SLC25A48: variants seen among roughly 807,000 people sequenced by gnomAD.
SLC25A48 encodes the protein solute carrier family 25 member 48, also known as CTC-321K16.1.
A neutral mutation model predicts 32.2 loss-of-function variants in SLC25A48; 29 were observed. The ratio of observed to expected loss-of-function variants is 0.90; its 90% CI spans 0.67 to 1.23. SLC25A48 has a LOEUF of 1.23. SLC25A48 is among the 50% of genes most tolerant of loss of function. The pLI, the probability that SLC25A48 is intolerant of heterozygous loss-of-function variation, is 0.00. For synonymous variants in SLC25A48, 164 were observed against 172.3 expected (o/e 0.95, Z 0.38); for missense variants, 399 against 422.7 (o/e 0.94, Z 0.49).
chr5:135,860,649 G>A (rs934576395), intron 4 of SLC25A48, among the ~76,000 whole-genome samples: 2 of 152,230 alleles, frequency 1.3e-5, no homozygotes, highest in East Asian at 3.8e-4. Flanking sequence ...TGTGTGAATT[G>A]CATAGAATGG....
rs770799130 is a variant in SLC25A48, at chr5:135,852,778, C to T, written c.378C>T (p.Leu126=). The change falls in exon 4 of 8, where the codon CTC becomes CTT. Residue 126 remains leucine (L), a synonymous_variant. Transcript: ENST00000681962. ...VSVGLGGPVD[L]IKIRLQMQTQ... ...TCGGGCTGGGAGGGCCCGTGGACCT[C>T]ATCAAGATCCGGTTGCAGATGCAGA... 1 of 1,613,462 alleles carries T rather than the reference C, an allele frequency of 6.2e-7. No individual in the cohort carries two copies. Among genetic ancestry groups the T allele is most frequent in the Non-Finnish European group, 8.5e-7 (1 of 1,179,460 alleles).
chr5:135,656,081 A>G (rs1238543132), intron 3 of SLC25A48, among the ~76,000 whole-genome samples: 3 of 152,172 alleles, frequency 2.0e-5, no homozygotes, highest in African/African-American at 7.2e-5. Context: ...AGGTGAAGGA[A>G]TATGTTTAGA....
chr5:135,705,194 C>T (rs1395794346), intron 3 of SLC25A48, among the ~76,000 whole-genome samples: 1 of 151,702 alleles, frequency 6.6e-6, no homozygotes, highest in African/African-American at 2.4e-5. Context: ...GAGCTCCATT[C>T]AGGCCTGCAT....
At chr5:135,776,140 A>G (rs1231096475) in intron 3 of SLC25A48, among the ~76,000 whole-genome samples, 1 of 151,774 alleles carries the variant, frequency 6.6e-6, no homozygotes, top group Non-Finnish European at 1.5e-5. Flanking sequence ...TGATACTACT[A>G]CCAATATCGT....
chr5:135,744,133 A>G (rs1755577913), intron 3 of SLC25A48, among the ~76,000 whole-genome samples: 1 of 152,158 alleles, frequency 6.6e-6, no homozygotes, highest in South Asian at 2.1e-4. Context: ...CAGGAATTTA[A>G]CTAACTGCCT....
Position 135,750,693 on chromosome 5 carries a change from G to A in SLC25A48, c.-520-61830G>A, listed in dbSNP as rs758411951. On this transcript the variant is annotated intron_variant, in intron 3 of 10. Transcript: ENST00000646290. ...AATCGGACATCAGGCCAGCAGCTGC[G>A]CCCCCAGGTGGTAGACTGGTAGCAC... Among the ~76,000 whole-genome samples, 47 of 151,996 alleles carry A rather than the reference G, an allele frequency of 3.1e-4. 1 individual carries two copies. The highest frequency in any genetic ancestry group is 5.0e-4 in the Non-Finnish European group (34 of 68,000).
chr5:135,624,941 G>A (rs934051976), intron 1 of SLC25A48, among the ~76,000 whole-genome samples: 10 of 152,224 alleles, frequency 6.6e-5, no homozygotes, highest in African/African-American at 2.4e-4. Flanking sequence ...TATGTGAACT[G>A]AGTTGTGGAA....
chr5:135,771,087 C>T lies in SLC25A48; in HGVS notation c.-520-41436C>T, dbSNP rs534551672. Among the ~76,000 whole-genome samples the T allele has an allele frequency of 8.6e-4, 120 of 139,486 alleles. 1 individual carries two copies. The highest frequency in any genetic ancestry group is 3.1e-3 in the African/African-American group (117 of 37,364). 91.5% of individuals were successfully genotyped at this position (139,486 alleles called of 152,430 possible). ...GGAGGGGAGAGAATGATATTACTTT[C>T]AATATCGTGGGGGTGTACACCCCCC... On this transcript the variant is annotated intron_variant, in intron 3 of 10. Coordinates refer to the SLC25A48 transcript ENST00000646290.
chr5:135,835,272 G>C, intron 1 of SLC25A48: 1 of 466,198 alleles, frequency 2.1e-6, no homozygotes, highest in Non-Finnish European at 4.3e-6. Flanking sequence ...TTATGTATGA[G>C]GGTAGCGCTT....
chr5:135,628,387 T>G (rs17168757), intron 1 of SLC25A48, among the ~76,000 whole-genome samples: 21,479 of 152,118 alleles, frequency 0.14, 2,168 homozygotes, highest in African/African-American at 0.29. Context: ...GAAGGTCCCT[T>G]TCTAAGGCTG....
intron 3 of SLC25A48, among the ~76,000 whole-genome samples, chr5:135,710,067 A>C (rs1231037866): frequency 6.6e-6 from 1 of 152,220 alleles, no homozygotes; most frequent in Admixed American, 6.5e-5. Context: ...GGCCAATATA[A>C]GCTGGTAAAA....
At chr5:135,807,481 T>G (rs1360631274) in intron 3 of SLC25A48, among the ~76,000 whole-genome samples, 1 of 150,678 alleles carries the variant, frequency 6.6e-6, no homozygotes, top group African/African-American at 2.4e-5. Flanking sequence ...GTTAACACTA[T>G]GTGATACATT....
intron 3 of SLC25A48, among the ~76,000 whole-genome samples, chr5:135,769,158 C>G (rs187933751): frequency 6.7e-6 from 1 of 149,068 alleles, no homozygotes; most frequent in African/African-American, 2.5e-5. Context: ...GGGGTGTACA[C>G]CCCCCTGTGA....
chr5:135,584,817 A>G (rs572407927), intron 1 of SLC25A48, among the ~76,000 whole-genome samples: 1 of 152,276 alleles, frequency 6.6e-6, no homozygotes, highest in Non-Finnish European at 1.5e-5. Flanking sequence ...TTGTGTAAAC[A>G]CTGTGATTAT....
In SLC25A48 at chr5:135,629,782, T is replaced by C. The variant is rs1752514949; in HGVS notation, c.-709+406T>C. Among the ~76,000 whole-genome samples the C allele has an allele frequency of 6.6e-6, 1 of 152,192 alleles. No homozygotes were observed. The highest frequency in any genetic ancestry group is 1.5e-5 in the Non-Finnish European group (1 of 68,014). ...GAGGGTTGCTCTCAGTGGTAGGGCA[T>C]GTTAACTCTCCAGCACTTCTGGCCT... is the stretch of plus-strand genomic sequence containing the variant. On this transcript the variant is annotated intron_variant, in intron 2 of 10. Coordinates refer to the SLC25A48 transcript ENST00000646290. This position sits in a 1 kb window ranked among gnomAD's most constrained non-coding sequence, Gnocchi z 4.8.
At chr5:135,885,483 G>A (rs1561566918) in intron 7 of SLC25A48, among the ~76,000 whole-genome samples, 1 of 152,104 alleles carries the variant, frequency 6.6e-6, no homozygotes, top group Non-Finnish European at 1.5e-5. Context: ...GCCCTTAGAT[G>A]TTAGGGCTTC....
intron 3 of SLC25A48, among the ~76,000 whole-genome samples, chr5:135,776,312 G>A (rs1250186172): frequency 1.3e-5 from 2 of 151,194 alleles, no homozygotes; most frequent in Non-Finnish European, 2.9e-5. Flanking sequence ...ATTATCACAC[G>A]GGGTATACAC....
At chr5:135,707,972 G>T (rs1754561105) in intron 3 of SLC25A48, among the ~76,000 whole-genome samples, 1 of 152,120 alleles carries the variant, frequency 6.6e-6, no homozygotes, top group African/African-American at 2.4e-5. Flanking sequence ...GGATGGATTG[G>T]CTAGTTGAGG....
chr5:135,653,570 T>C (rs917219369), intron 3 of SLC25A48, among the ~76,000 whole-genome samples: 3 of 152,320 alleles, frequency 2.0e-5, no homozygotes, highest in East Asian at 1.9e-4. Flanking sequence ...ATATCAATTA[T>C]AACCTCAAGA....
Sources: allele counts gnomAD v4.1 joint callset (sites outside exome capture counted in the v4.1 genomes callset), GRCh38; gene constraint gnomAD v4.1.1; non-coding constraint Gnocchi (gnomAD v3.1); transcripts MANE v1.5; gene names NCBI Gene and HGNC (gene_info 2026-07-23, HGNC 2026-07-21).